ABCF1: variants seen among roughly 807,000 people sequenced by gnomAD.
ABCF1 encodes ATP-binding cassette sub-family F member 1.
In ABCF1, 73 loss-of-function variants were observed where a neutral mutation model predicts 126.3. The ratio of observed to expected loss-of-function variants is 0.58; its 90% CI spans 0.48 to 0.70. The LOEUF (loss-of-function observed/expected upper bound fraction) is 0.70, where lower values mean the gene tolerates loss of function less well. ABCF1 is among the 30% of genes least tolerant of loss of function. The pLI is 0.00. For synonymous variants in ABCF1, 345 were observed against 396.4 expected, an observed-to-expected ratio of 0.87 and a Z score of 1.54; for missense variants, 786 against 1,057.5, an observed-to-expected ratio of 0.74 and a Z score of 3.56.
rs760288609 is a variant in ABCF1 at position 30,579,988 on chromosome 6, T to A, written c.547T>A (p.Ser183Thr). 8 of 1,612,136 alleles carry A rather than the reference T, an allele frequency of 5.0e-6. No individual in the cohort carries two copies. In the South Asian group the frequency reaches 7.7e-5, roughly 15 times the overall value. The part of the protein sequence containing the change: ...LKGKKGKEEK[S>T]KGKAKPQNKF... The stretch of plus-strand genomic sequence containing the variant: ...GGGCAAAAAGGGAAAGGAAGAGAAG[T>A]CAAAAGGGAAGGCTAAGGTGAGAGA... The change falls in exon 7 of 25, where the codon TCA becomes ACA. Residue 183 changes from serine to threonine, a missense_variant. Around this residue, in one of 4 missense-constraint regions of ABCF1, gnomAD observed 322 missense variants for 322.9 expected, o/e 1.00. Transcript: ENST00000326195.
In ABCF1 at chr6:30,583,788, T is replaced by A. The variant is rs1379707734; in HGVS notation, c.1017-17T>A. Reference sequence around the variant, plus strand: ...TTTCTCAGTGGTGGCCAGGTCCTAATAGCTTTTATTCCCCAGCAAGGGCAA... The same window carrying A: ...TTTCTCAGTGGTGGCCAGGTCCTAAAAGCTTTTATTCCCCAGCAAGGGCAA... On this transcript the variant is annotated splice_polypyrimidine_tract_variant and intron_variant, in intron 11 of 24. Coordinates refer to ENST00000326195, the MANE Select transcript of ABCF1 (RefSeq NM_001025091.2). This position sits in a 1 kb window ranked among gnomAD's most constrained non-coding sequence, Gnocchi z 4.1. 6.2e-7 allele frequency: 1 copy of A among 1,613,846 alleles called. No individual in the cohort carries two copies. Among genetic ancestry groups the A allele is most frequent in the African/African-American group, 1.3e-5 (1 of 74,888 alleles).
intron 3 of ABCF1, 28 bp downstream of exon 3, chr6:30,577,941 C>G (rs745640227): frequency 1.7e-5 from 28 of 1,613,450 alleles, no homozygotes; most frequent in Non-Finnish European, 2.4e-5. Context: ...CCCACCAATC[C>G]TGGGAGGCAT....
At chr6:30,579,394 T>C (rs2127408012) in intron 6 of ABCF1, among the ~76,000 whole-genome samples, 1 of 152,126 alleles carries the variant, frequency 6.6e-6, no homozygotes, top group South Asian at 2.1e-4. Flanking sequence ...CATACTCATT[T>C]AGGGTACTCC....
chr6:30,583,500 G>A lies in ABCF1; in HGVS notation c.916-108G>A. On this transcript the variant is annotated intron_variant, in intron 10 of 24. Transcript: ENST00000326195. This position sits in a 1 kb window ranked among gnomAD's most constrained non-coding sequence, Gnocchi z 4.1. ...GAAGGGGATTATGCTGGAGGTAGCG[G>A]TTTGTCAGAGGCTTCCCTGCAGGGA... 3 of 1,201,936 alleles carry A rather than the reference G, an allele frequency of 2.5e-6. No homozygotes were observed. The highest frequency in any genetic ancestry group is 1.5e-5 in the African/African-American group (1 of 66,660). The allele number at this position is 1,201,936 out of a possible 1,614,324, so 74.5% of individuals were successfully genotyped here.
rs777655820 is a variant in ABCF1 at position 30,582,352 on chromosome 6, A to C, written c.679-42A>C. ...ATTACAGGCGTGAGCCACCGCGCCC[A>C]GCCAGGAGTCCCTAGTTTTGACCAT... On this transcript the variant is annotated intron_variant, in intron 8 of 24. Coordinates refer to ENST00000326195, the MANE Select transcript of ABCF1 (RefSeq NM_001025091.2). 2.6e-5 allele frequency: 35 copies of C among 1,363,378 alleles called. No individual in the cohort carries two copies. The East Asian group carries it at 8.5e-4, about 33-fold the overall frequency. The allele number at this position is 1,363,378 out of a possible 1,614,324, so 84.5% of individuals were successfully genotyped here.
At chr6:30,571,625 AAGAGAGGGTCAT>A in intron 1 of ABCF1, 65 bp downstream of exon 1, 1 of 1,536,500 alleles carries the variant, frequency 6.5e-7, no homozygotes, top group Non-Finnish European at 8.9e-7. Context: ...CGCGTGTTTT[AAGAGAGGGTCAT>A]GGGGCACGAG....
intron 20 of ABCF1, among the ~76,000 whole-genome samples, chr6:30,588,734 C>G (rs1309006069): frequency 6.6e-6 from 1 of 152,010 alleles, no homozygotes; most frequent in Non-Finnish European, 1.5e-5. Flanking sequence ...CATTTCTGCT[C>G]TCTCTAGCAG....
chr6:30,576,309 A>G (rs1217897649), intron 1 of ABCF1, among the ~76,000 whole-genome samples: 1 of 41,858 alleles, frequency 2.4e-5, no homozygotes, highest in African/African-American at 1.1e-4. Flanking sequence ...TTTTTTTGAG[A>G]TAGAGTCTTG....
intron 1 of ABCF1, 146 bp downstream of exon 1, chr6:30,571,706 T>G: frequency 1.2e-6 from 1 of 867,684 alleles, no homozygotes; most frequent in South Asian, 1.7e-5. Context: ...GGGAGGAGTT[T>G]GCCGGGGAGG....
chr6:30,582,579 G>C (rs765287794), intron 9 of ABCF1, 72 bp downstream of exon 9: 4 of 1,505,392 alleles, frequency 2.7e-6, no homozygotes, highest in Non-Finnish European at 3.7e-6. Flanking sequence ...ATGCGATTGG[G>C]GACACGAAGG....
rs1264438 is a variant in ABCF1 at position 30,584,833 on chromosome 6, C to G, written c.1391+267C>G. Among the ~76,000 whole-genome samples the G allele has an allele frequency of 0.74, 111,922 of 152,054 alleles. 41,637 individuals are homozygous for G. The highest frequency in any genetic ancestry group is 0.87 in the South Asian group (4,175 of 4,822). On this transcript the variant is annotated intron_variant, in intron 14 of 24. Transcript: ENST00000326195. The surrounding 1 kb of genome is among the most constrained non-coding windows in gnomAD (Gnocchi z 4.6). ...AAGGCAGAGGCAGGAGGATTATCTT[C>G]AACCCAGGAGTTTGAGACCAGCCTG...
intron 15 of ABCF1, 95 bp from the exon 16 acceptor site, chr6:30,585,463 C>T: frequency 6.3e-7 from 1 of 1,588,164 alleles, no homozygotes; most frequent in Non-Finnish European, 8.6e-7. Context: ...ATTCAGACCC[C>T]CCTTTCCCTC....
At position 30,578,105 on chromosome 6, in the gene ABCF1, C is replaced by T. The variant is rs1394101899; in HGVS notation, c.246C>T (p.Gly82=). The T allele has an allele frequency of 1.2e-6, 2 of 1,613,858 alleles. No individual in the cohort carries two copies. The highest frequency in any genetic ancestry group is 1.1e-5 in the South Asian group (1 of 91,064). Residue 82 remains glycine, a synonymous_variant, in exon 4 of 25, where the codon GGC becomes GGT. Coordinates refer to ENST00000326195, the MANE Select transcript of ABCF1 (RefSeq NM_001025091.2). ...AAAAAAAGCGAGATACCCGAAAAGG[C>T]AGGCGGAAGAAGGATGTGGATGATG... ...QQKKKRDTRK[G]RRKKDVDDDG...
Position 30,586,057 on chromosome 6 carries a change from G to T in ABCF1, c.1713+66G>T. 6.3e-7 allele frequency: 1 copy of T among 1,591,916 alleles called. No homozygotes were observed. The highest frequency in any genetic ancestry group is 8.5e-7 in the Non-Finnish European group (1 of 1,169,914). On this transcript the variant is annotated intron_variant, in intron 17 of 24. Transcript: ENST00000326195. This position sits in a 1 kb window ranked among gnomAD's most constrained non-coding sequence, Gnocchi z 4.9. ...TCTCCTGGCAGTGGAGGAAGAAGGA[G>T]ACTCTGGAACGCTGGCCTACATTTC... is the stretch of plus-strand genomic sequence containing the variant.
At chr6:30,579,726 G>C (rs759688440) in intron 6 of ABCF1, among the ~76,000 whole-genome samples, 202 of 152,164 alleles carry the variant, frequency 1.3e-3, no homozygotes, top group Non-Finnish European at 2.3e-3. Flanking sequence ...AAAGTGCTGG[G>C]ATTACAGGTG....
intron 2 of ABCF1, 82 bp downstream of exon 2, chr6:30,577,537 G>C: frequency 3.5e-4 from 495 of 1,421,052 alleles, no homozygotes; most frequent in Non-Finnish European, 4.4e-4. Context: ...GAGGTGGGAG[G>C]TCCAAGGGAG....
chr6:30,579,975 A>G lies in ABCF1; in HGVS notation c.534A>G (p.Gly178=), dbSNP rs761511033. ...EQQPALKGKK[G]KEEKSKGKAK... ...AGCCTGCACTCAAGGGCAAAAAGGGAAAGGAAGAGAAGTCAAAAGGGAAGG... is the reference window on the plus strand; with the variant it reads ...AGCCTGCACTCAAGGGCAAAAAGGGGAAGGAAGAGAAGTCAAAAGGGAAGG... Residue 178 remains glycine (G), a synonymous_variant, in exon 7 of 25, where the codon GGA becomes GGG. Transcript: ENST00000326195. 1 of 1,612,740 alleles carries G rather than the reference A, an allele frequency of 6.2e-7. No individual in the cohort carries two copies. The highest frequency in any genetic ancestry group is 8.5e-7 in the Non-Finnish European group (1 of 1,179,880).
intron 9 of ABCF1, 134 bp downstream of exon 9, chr6:30,582,641 T>C (rs1801886125): frequency 2.1e-6 from 2 of 960,804 alleles, no homozygotes; most frequent in Non-Finnish European, 3.2e-6. Flanking sequence ...AAAATAATTG[T>C]GTTCTGTGAA....
At chr6:30,579,882 C>A in intron 6 of ABCF1, 49 bp from the exon 7 acceptor site, 1 of 1,573,774 alleles carries the variant, frequency 6.4e-7, no homozygotes, top group Non-Finnish European at 8.7e-7. Context: ...AGCAAAGTAG[C>A]ACAATAATTT....
Sources: gnomAD v4.1 joint callset for allele counts (sites outside exome capture counted in the v4.1 genomes callset) on GRCh38, gnomAD v4.1.1 for gene constraint, gnomAD v4.1.1 regional missense constraint, Gnocchi (gnomAD v3.1) non-coding constraint, MANE v1.5 for transcripts, NCBI Gene and HGNC (gene_info 2026-07-23, HGNC 2026-07-21) for gene names.